PCDHGB7: variants seen among roughly 807,000 people sequenced by gnomAD.
PCDHGB7 encodes the protein protocadherin gamma subfamily B, 7, also known as protocadherin gamma-B7.
In PCDHGB7, 37 loss-of-function variants were observed where a neutral mutation model predicts 61.4. That is an observed-to-expected ratio of 0.60 (90% CI 0.46 to 0.79). The LOEUF (loss-of-function observed/expected upper bound fraction) is 0.79, where lower values mean the gene tolerates loss of function less well. Ranked by LOEUF, PCDHGB7 falls within the 30% of genes least tolerant of loss-of-function variation. The probability of loss-of-function intolerance (pLI) is 0.00; values close to 1 mark genes in which losing one functional copy is unlikely to be tolerated. For missense variants in PCDHGB7, 1,166 were observed against 1,202.5 expected (o/e 0.97, Z 0.45); for synonymous variants, 464 against 503.5 (o/e 0.92, Z 1.05).
rs545232987 is a variant in PCDHGB7 at position 141,484,750 on chromosome 5, G to GTA, written c.2416-10043_2416-10042dup. 2.3e-3 allele frequency among the ~76,000 whole-genome samples: 340 copies of GTA among 149,860 alleles called. 1 individual carries two copies. Among genetic ancestry groups the GTA allele is most frequent in the South Asian group, 1.0e-2 (47 of 4,704 alleles). On this transcript the variant is annotated intron_variant, in intron 1 of 3. Coordinates refer to ENST00000398594, the MANE Select transcript of PCDHGB7 (RefSeq NM_018927.4). ...CAGTCGGTGTGTTAGGAAAAAAAAT[G>GTA]TATATATATATATATGTTGTCTGCC...
chr5:141,500,433 T>A (rs1398344932), intron 2 of PCDHGB7, among the ~76,000 whole-genome samples: 17 of 151,882 alleles, frequency 1.1e-4, no homozygotes, highest in East Asian at 7.8e-4. Flanking sequence ...ATGGTCTCGA[T>A]CTCCTGACCT....
chr5:141,468,651 G>C (rs2099171216), intron 1 of PCDHGB7: 1 of 152,018 alleles, frequency 6.6e-6, no homozygotes, highest in African/African-American at 2.4e-5. Context: ...CGGATCACAA[G>C]GTCAGGAGAT....
At chr5:141,423,712 T>C (rs1231796741) in intron 1 of PCDHGB7, 2 of 1,313,518 alleles carry the variant, frequency 1.5e-6, no homozygotes, top group Admixed American at 3.2e-5. Flanking sequence ...CACAAGTCTT[T>C]TAAGGAGATG....
At position 141,419,375 on chromosome 5, in the gene PCDHGB7, T is replaced by G. The variant is rs755252910; in HGVS notation, c.1516T>G (p.Ser506Ala). 6.2e-7 allele frequency: 1 copy of G among 1,613,728 alleles called. No individual in the cohort carries two copies. Among genetic ancestry groups the G allele is most frequent in the Admixed American group, 1.7e-5 (1 of 60,034 alleles). The change falls in exon 1 of 4, where the codon TCC becomes GCC. Residue 506 changes from serine (S) to alanine (A), a missense_variant. By Grantham distance (99) the Ser-to-Ala change is moderately conservative. Coordinates refer to ENST00000398594, the MANE Select transcript of PCDHGB7 (RefSeq NM_018927.4). ...GTCACGAACGCTGTCGTCCTACGTG[T>G]CCGTGAGCGCGCAGAGCGGGGTGGT... ...LESRTLSSYVSVSAQSGVVFA... is the reference protein window; with the variant it reads ...LESRTLSSYVAVSAQSGVVFA...
Position 141,483,626 on chromosome 5 carries a change from G to A in PCDHGB7, c.2416-11181G>A, listed in dbSNP as rs112905417. On this transcript the variant is annotated intron_variant, in intron 1 of 3. Coordinates refer to ENST00000398594, the MANE Select transcript of PCDHGB7 (RefSeq NM_018927.4). ...TTACACCTCCATCATTCCCATGGGA[G>A]AAGGTATAGAGGGGTGTGTGTTTGT... Among the ~76,000 whole-genome samples the A allele has an allele frequency of 6.0e-4, 90 of 150,886 alleles. 1 individual carries two copies. The highest frequency in any genetic ancestry group is 1.7e-3 in the African/African-American group (69 of 40,378).
rs752392369 is a variant in PCDHGB7 at position 141,422,109 on chromosome 5, A to G, written c.2415+1835A>G. ...AAAGCAAGGCTTCTGAAATATTCCA[A>G]TTGGATTCACAAACTGGAGAAGTTC... On this transcript the variant is annotated intron_variant, in intron 1 of 3. Coordinates refer to ENST00000398594, the MANE Select transcript of PCDHGB7 (RefSeq NM_018927.4). 6 of 1,606,850 alleles carry G rather than the reference A, an allele frequency of 3.7e-6. No homozygotes were observed. The African/African-American group carries it at 4.0e-5, about 11-fold the overall frequency.
intron 1 of PCDHGB7, among the ~76,000 whole-genome samples, chr5:141,453,310 T>C (rs566320120): frequency 6.6e-6 from 1 of 152,044 alleles, no homozygotes; most frequent in South Asian, 2.1e-4. Context: ...TTTATTTATT[T>C]ATTTTAGAGA....
At chr5:141,500,370 G>C (rs766183384) in intron 2 of PCDHGB7, among the ~76,000 whole-genome samples, 1 of 151,644 alleles carries the variant, frequency 6.6e-6, no homozygotes, top group Non-Finnish European at 1.5e-5. Flanking sequence ...TACCACGCCC[G>C]GCTAATTATT....
intron 1 of PCDHGB7, chr5:141,421,633 G>C (rs1369645749): frequency 1.9e-6 from 3 of 1,613,716 alleles, no homozygotes; most frequent in Non-Finnish European, 2.5e-6. Context: ...CAGCTTCCAG[G>C]AGGACGAAGT....
In PCDHGB7 at chr5:141,418,451, A is replaced by AG. The variant is rs2096259161; in HGVS notation, c.592_593insG (p.Lys198ArgfsTer40). ...CAAATATCCAGAATTAGTATTGCAG[A>AG]AGACTCTGGACCGAGAAACGCAGAG... On this transcript the variant is annotated frameshift_variant, in exon 1 of 4. Transcript: ENST00000398594. LOFTEE classifies it high-confidence loss of function. 3.1e-6 allele frequency: 5 copies of AG among 1,614,046 alleles called. No individual in the cohort carries two copies. Among genetic ancestry groups the AG allele is most frequent in the Non-Finnish European group, 4.2e-6 (5 of 1,179,894 alleles).
rs115001531 is a variant in PCDHGB7, at chr5:141,495,385, G to A, written c.2474+520G>A. Among the ~76,000 whole-genome samples the A allele has an allele frequency of 2.2e-3, 339 of 152,328 alleles. 1 individual carries two copies. Among genetic ancestry groups the A allele is most frequent in the African/African-American group, 7.9e-3 (329 of 41,590 alleles). ...AGGTGGAACTGAGGAAGGACTGGGC[G>A]GGGCATGGAGCAGGCCCCCTTCTCC... On this transcript the variant is annotated intron_variant, in intron 2 of 3. Transcript: ENST00000398594.
intron 1 of PCDHGB7, among the ~76,000 whole-genome samples, chr5:141,456,668 T>G (rs2098874996): frequency 1.3e-5 from 2 of 152,254 alleles, no homozygotes; most frequent in Admixed American, 6.5e-5. Context: ...ATGTTTCATT[T>G]AAAAATGCAT....
rs761264372 is a variant in PCDHGB7 at position 141,489,500 on chromosome 5, A to G, written c.2416-5307A>G. 12 of 1,614,112 alleles carry G rather than the reference A, an allele frequency of 7.4e-6. No individual in the cohort carries two copies. In the South Asian group the frequency reaches 1.3e-4, roughly 18 times the overall value. On this transcript the variant is annotated intron_variant, in intron 1 of 3. Coordinates refer to ENST00000398594, the MANE Select transcript of PCDHGB7 (RefSeq NM_018927.4). This position sits in a 1 kb window ranked among gnomAD's most constrained non-coding sequence, Gnocchi z 4.5. ...TTGATGAGTGGTGCCCTGGCAGTGA[A>G]TCAAAAGATTGACCGAGAAAGCCTA...
intron 1 of PCDHGB7, among the ~76,000 whole-genome samples, chr5:141,458,215 T>C (rs2098940075): frequency 1.3e-5 from 2 of 152,174 alleles, no homozygotes; most frequent in African/African-American, 2.4e-5. Context: ...TTAAAATAAG[T>C]TTCCTTTCCC....
At position 141,463,438 on chromosome 5, in the gene PCDHGB7, C is replaced by CTTTTT. The variant is rs71576115; in HGVS notation, c.2416-31345_2416-31341dup. On this transcript the variant is annotated intron_variant, in intron 1 of 3. Coordinates refer to ENST00000398594, the MANE Select transcript of PCDHGB7 (RefSeq NM_018927.4). ...GTTTGCGGATCCTCATTTCCTTCTC[C>CTTTTT]TTTTTTTTTTTTTTTTTTTTTTTTT... is the stretch of plus-strand genomic sequence containing the variant. 3.0e-4 allele frequency among the ~76,000 whole-genome samples: 31 copies of CTTTTT among 103,252 alleles called. 1 individual carries two copies. Among genetic ancestry groups the CTTTTT allele is most frequent in the African/African-American group, 1.2e-3 (26 of 22,402 alleles). The allele number at this position is 103,252 out of a possible 152,430, so 67.7% of individuals were successfully genotyped here.
At position 141,486,811 on chromosome 5, in the gene PCDHGB7, C is replaced by A. The variant is rs2099635196; in HGVS notation, c.2416-7996C>A. On this transcript the variant is annotated intron_variant, in intron 1 of 3. Coordinates refer to ENST00000398594, the MANE Select transcript of PCDHGB7 (RefSeq NM_018927.4). The surrounding 1 kb of genome is among the most constrained non-coding windows in gnomAD (Gnocchi z 5.0). ...GGGATCGGGGCAACCCACCCCTTAG[C>A]AGCACTGTAACAGTTCGTCTATTTG... The A allele has an allele frequency of 1.2e-6, 2 of 1,614,124 alleles. No homozygotes were observed. The highest frequency in any genetic ancestry group is 2.2e-5 in the East Asian group (1 of 44,900).
intron 2 of PCDHGB7, among the ~76,000 whole-genome samples, chr5:141,505,180 A>G (rs1435197883): frequency 6.6e-6 from 1 of 152,200 alleles, no homozygotes; most frequent in Non-Finnish European, 1.5e-5. Context: ...AGAAAAAAGC[A>G]TCGGAGGCAG....
Position 141,490,778 on chromosome 5 carries a change from A to T in PCDHGB7, c.2416-4029A>T, listed in dbSNP as rs964301520. The T allele has an allele frequency of 5.6e-6, 9 of 1,614,098 alleles. No individual in the cohort carries two copies. The highest frequency in any genetic ancestry group is 7.6e-6 in the Non-Finnish European group (9 of 1,179,962). On this transcript the variant is annotated intron_variant, in intron 1 of 3. Transcript: ENST00000398594. This position sits in a 1 kb window ranked among gnomAD's most constrained non-coding sequence, Gnocchi z 5.4. ...TCCTTTGTGTATGTCAACCCAGAGG[A>T]TGGACGGATCTTTGCCCAGCGTACC... is the stretch of plus-strand genomic sequence containing the variant.
chr5:141,507,915 G>A (rs1324577269), intron 3 of PCDHGB7, among the ~76,000 whole-genome samples: 2 of 152,224 alleles, frequency 1.3e-5, no homozygotes, highest in African/African-American at 4.8e-5. Flanking sequence ...AGCCAGGCCT[G>A]TGGGGCTGCT....
Sources: allele counts gnomAD v4.1 joint callset (sites outside exome capture counted in the v4.1 genomes callset), GRCh38; gene constraint gnomAD v4.1.1; non-coding constraint Gnocchi (gnomAD v3.1); transcripts MANE v1.5; gene names NCBI Gene and HGNC (gene_info 2026-07-23, HGNC 2026-07-21).